Variants in SCGB3A2 observed in about 807,000 individuals in gnomAD.
SCGB3A2 encodes pneumo secretory protein 1.
SCGB3A2 carries 5 observed loss-of-function variants against 7.7 expected under a neutral mutation model. The observed-to-expected ratio is 0.65, with a 90% CI of 0.34 to 1.36. The LOEUF (loss-of-function observed/expected upper bound fraction) is 1.36. Ranked by LOEUF, SCGB3A2 falls within the 40% of genes most tolerant of loss-of-function variation. The pLI, the probability that SCGB3A2 is intolerant of heterozygous loss-of-function variation, is 0.04. For missense variants in SCGB3A2, 109 were observed against 103.6 expected (o/e 1.05, Z -0.23); for synonymous variants, 44 against 42.7 (o/e 1.03, Z -0.12).
At chr5:147,880,805 A>C (rs1274959154) in intron 1 of SCGB3A2, 2 of 153,404 alleles carry the variant, frequency 1.3e-5, no homozygotes, top group Admixed American at 1.3e-4. Context: ...ATGTATCTGC[A>C]CAGACTAGAT....
Position 147,881,511 on chromosome 5 carries a change from A to C in SCGB3A2, c.121A>C (p.Asn41His). 6.2e-7 allele frequency: 1 copy of C among 1,614,088 alleles called. No individual in the cohort carries two copies. The highest frequency in any genetic ancestry group is 1.3e-5 in the African/African-American group (1 of 75,044). Residue 41 changes from asparagine to histidine, a missense_variant, in exon 2 of 3, where the codon AAC (asparagine) becomes CAC (histidine). By Grantham distance (68) the Asn-to-His change is moderately conservative. Coordinates refer to ENST00000296694, the MANE Select transcript of SCGB3A2 (RefSeq NM_054023.5). ...VDKLAPLPLDNILPFMDPLKL... is the reference protein window; with the variant it reads ...VDKLAPLPLDHILPFMDPLKL... ...CAAGTTGGCACCTTTACCTCTGGAC[A>C]ACATTCTTCCCTTTATGGATCCATT...
chr5:147,879,187 T>C (rs1444007940), intron 1 of SCGB3A2, among the ~76,000 whole-genome samples: 2 of 152,176 alleles, frequency 1.3e-5, no homozygotes, highest in East Asian at 1.9e-4. Context: ...CTGCTGGATA[T>C]TGGTCACCAT....
chr5:147,881,683 G>A, intron 2 of SCGB3A2, 35 bp downstream of exon 2: 2 of 1,537,040 alleles, frequency 1.3e-6, no homozygotes, highest in East Asian at 2.3e-5. Context: ...CTGCCAAAGG[G>A]GAGGCATACT....
Position 147,881,476 on chromosome 5 carries a change from T to C in SCGB3A2, c.86T>C (p.Leu29Pro). 6.2e-7 allele frequency: 1 copy of C among 1,614,058 alleles called. No individual in the cohort carries two copies. The highest frequency in any genetic ancestry group is 8.5e-7 in the Non-Finnish European group (1 of 1,179,920). Residue 29 changes from leucine (L) to proline (P), a missense_variant, in exon 2 of 3, where the codon CTT becomes CCT. Coordinates refer to ENST00000296694, the MANE Select transcript of SCGB3A2 (RefSeq NM_054023.5). ...GCCTTCCTCATCAACAAAGTGCCCC[T>C]TCCTGTTGACAAGTTGGCACCTTTA... The part of the protein sequence containing the change: ...ATAFLINKVP[L>P]PVDKLAPLPL...
chr5:147,881,212 G>T (rs1757342821), intron 1 of SCGB3A2: 2 of 504,856 alleles, frequency 4.0e-6, no homozygotes, highest in Non-Finnish European at 7.0e-6. Flanking sequence ...CTCCGAGGAG[G>T]TAATATTTGA....
chr5:147,881,736 G>A (rs1450870478), intron 2 of SCGB3A2, 88 bp downstream of exon 2: 2 of 1,020,786 alleles, frequency 2.0e-6, no homozygotes, highest in Non-Finnish European at 1.4e-6. Context: ...TTGTAAATGT[G>A]CATTTCCACT....
In SCGB3A2 at chr5:147,881,543, T is replaced by C; in HGVS notation, c.153T>C (p.Leu51=). 6.2e-7 allele frequency: 1 copy of C among 1,614,010 alleles called. No individual in the cohort carries two copies. The change falls in exon 2 of 3, where the codon CTT becomes CTC. Residue 51 remains leucine, a synonymous_variant. Coordinates refer to ENST00000296694, the MANE Select transcript of SCGB3A2 (RefSeq NM_054023.5). ...NILPFMDPLK[L]LLKTLGISVE... is the part of the protein sequence containing the mutation. ...TTCCCTTTATGGATCCATTAAAGCT[T>C]CTTCTGAAAACTCTGGGCATTTCTG...
At chr5:147,879,352 A>G (rs1038215793) in intron 1 of SCGB3A2, among the ~76,000 whole-genome samples, 2 of 152,144 alleles carry the variant, frequency 1.3e-5, no homozygotes, top group Non-Finnish European at 2.9e-5. Flanking sequence ...CTGTTTATCC[A>G]CTCAATGGAT....
chr5:147,881,606 T>C lies in SCGB3A2; in HGVS notation c.216T>C (p.Asn72=). ...HLVEGLRKCV[N]ELGPEASEAV... is the part of the protein sequence containing the mutation. ...TGGAGGGGCTAAGGAAGTGTGTAAATGAGCTGGGACCAGAGGCTTCTGAAG... is the reference window on the plus strand; with the variant it reads ...TGGAGGGGCTAAGGAAGTGTGTAAACGAGCTGGGACCAGAGGCTTCTGAAG... Residue 72 remains asparagine (N), a synonymous_variant, in exon 2 of 3, where the codon AAT becomes AAC. Coordinates refer to ENST00000296694, the MANE Select transcript of SCGB3A2 (RefSeq NM_054023.5). 6.2e-7 allele frequency: 1 copy of C among 1,613,926 alleles called. No homozygotes were observed. The highest frequency in any genetic ancestry group is 8.5e-7 in the Non-Finnish European group (1 of 1,179,900).
At position 147,881,466 on chromosome 5, in the gene SCGB3A2, A is replaced by G; in HGVS notation, c.76A>G (p.Lys26Glu). ...SYSATAFLIN[K>E]VPLPVDKLAP... ...TGCAGCTACTGCCTTCCTCATCAAC[A>G]AAGTGCCCCTTCCTGTTGACAAGTT... is the stretch of plus-strand genomic sequence containing the variant. Residue 26 changes from lysine (K) to glutamate (E), a missense_variant, in exon 2 of 3, where the codon AAA (lysine) becomes GAA (glutamate). Transcript: ENST00000296694. The G allele has an allele frequency of 6.2e-7, 1 of 1,614,022 alleles. No homozygotes were observed. The highest frequency in any genetic ancestry group is 8.5e-7 in the Non-Finnish European group (1 of 1,179,926).
chr5:147,879,903 T>C lies in SCGB3A2; in HGVS notation c.55+1045T>C, dbSNP rs1031330925. ...GAAGGAATTTGTAACTTCACCAGTT[T>C]TGGATATTTCACTGTTCTCTAATGT... is the stretch of plus-strand genomic sequence containing the variant. On this transcript the variant is annotated intron_variant, in intron 1 of 2. Transcript: ENST00000296694. Among the ~76,000 whole-genome samples, 126 of 152,340 alleles carry C rather than the reference T, an allele frequency of 8.3e-4. 1 individual carries two copies. The highest frequency in any genetic ancestry group is 2.6e-4 in the Non-Finnish European group (18 of 68,032).
chr5:147,879,691 A>T (rs929298929), intron 1 of SCGB3A2, among the ~76,000 whole-genome samples: 1 of 152,224 alleles, frequency 6.6e-6, no homozygotes, highest in South Asian at 2.1e-4. Flanking sequence ...AAGAGATTTC[A>T]TGATAGCCAC....
chr5:147,881,335 G>A, intron 1 of SCGB3A2, 111 bp from the exon 2 acceptor site: 1 of 861,466 alleles, frequency 1.2e-6, no homozygotes, highest in Non-Finnish European at 1.9e-6. Flanking sequence ...TTCAATGGAA[G>A]TAAGATGAGT....
chr5:147,881,525 T>C lies in SCGB3A2; in HGVS notation c.135T>C (p.Phe45=), dbSNP rs1757347871. 6.2e-7 allele frequency: 1 copy of C among 1,614,048 alleles called. No individual in the cohort carries two copies. Among genetic ancestry groups the C allele is most frequent in the South Asian group, 1.1e-5 (1 of 91,078 alleles). ...APLPLDNILP[F]MDPLKLLLKT... Reference sequence around the variant, plus strand: ...TACCTCTGGACAACATTCTTCCCTTTATGGATCCATTAAAGCTTCTTCTGA... The same window carrying C: ...TACCTCTGGACAACATTCTTCCCTTCATGGATCCATTAAAGCTTCTTCTGA... Residue 45 remains phenylalanine, a synonymous_variant, in exon 2 of 3, where the codon TTT becomes TTC. Coordinates refer to ENST00000296694, the MANE Select transcript of SCGB3A2 (RefSeq NM_054023.5).
chr5:147,879,513 G>A (rs754781631), intron 1 of SCGB3A2, among the ~76,000 whole-genome samples: 5 of 152,208 alleles, frequency 3.3e-5, no homozygotes, highest in African/African-American at 7.2e-5. Flanking sequence ...TACTGTAAAC[G>A]TACTGTGAGA....
chr5:147,879,842 A>C (rs2116805), intron 1 of SCGB3A2, among the ~76,000 whole-genome samples: 28,619 of 152,120 alleles, frequency 0.19, 3,153 homozygotes, highest in Admixed American at 0.28. Context: ...CACACCTACA[A>C]TGGCAACTTT....
At chr5:147,881,151 A>C in intron 1 of SCGB3A2, 1 of 314,662 alleles carries the variant, frequency 3.2e-6, no homozygotes, top group Non-Finnish European at 5.8e-6. Context: ...TTTTTTAGGT[A>C]ATGGTAAGAA....
intron 1 of SCGB3A2, among the ~76,000 whole-genome samples, chr5:147,880,019 A>G (rs1433349477): frequency 6.6e-6 from 1 of 152,080 alleles, no homozygotes; most frequent in African/African-American, 2.4e-5. Flanking sequence ...TTGGAGGGAC[A>G]ATAGGTGATT....
rs774298931 is a variant in SCGB3A2, at chr5:147,881,496, C to T, written c.106C>T (p.Pro36Ser). 5 of 1,614,012 alleles carry T rather than the reference C, an allele frequency of 3.1e-6. No individual in the cohort carries two copies. Among genetic ancestry groups the T allele is most frequent in the Non-Finnish European group, 4.2e-6 (5 of 1,179,926 alleles). Residue 36 changes from proline to serine, a missense_variant, in exon 2 of 3, where the codon CCT (proline) becomes TCT (serine). Pro to Ser is a moderately conservative substitution (Grantham distance 74). Transcript: ENST00000296694. ...KVPLPVDKLA[P>S]LPLDNILPFM... ...GCCCCTTCCTGTTGACAAGTTGGCACCTTTACCTCTGGACAACATTCTTCC... is the reference window on the plus strand; with the variant it reads ...GCCCCTTCCTGTTGACAAGTTGGCATCTTTACCTCTGGACAACATTCTTCC...
Sources: allele counts gnomAD v4.1 joint callset (sites outside exome capture counted in the v4.1 genomes callset), GRCh38; gene constraint gnomAD v4.1.1; transcripts MANE v1.5; gene names NCBI Gene and HGNC (gene_info 2026-07-23, HGNC 2026-07-21).